The following LRP6 variants were observed in gnomAD, a reference collection of about 807,000 sequenced individuals.
LRP6 encodes LDL receptor related protein 6, also known as low-density lipoprotein receptor-related protein 6.
A neutral mutation model predicts 184.1 loss-of-function variants in LRP6; 43 were observed. The ratio of observed to expected loss-of-function variants is 0.23; its 90% CI spans 0.18 to 0.30. LRP6 has a LOEUF of 0.30. Ranked by LOEUF, LRP6 falls within the 10% of genes least tolerant of loss-of-function variation. LRP6 has a pLI of 1.00. For synonymous variants in LRP6, 719 were observed against 684.9 expected (o/e 1.05, Z -0.78); for missense variants, 1,571 against 2,005.3 (o/e 0.78, Z 4.14).
chr12:12,152,714 A>G (rs941663790), intron 12 of LRP6, among the ~76,000 whole-genome samples: 2 of 152,244 alleles, frequency 1.3e-5, no homozygotes, highest in African/African-American at 2.4e-5. Flanking sequence ...ACCTAAATAC[A>G]GGAGAATTTT....
intron 12 of LRP6, among the ~76,000 whole-genome samples, chr12:12,156,820 A>C (rs1862592077): frequency 6.6e-6 from 1 of 152,082 alleles, no homozygotes; most frequent in Non-Finnish European, 1.5e-5. Context: ...TTCTCTGTGA[A>C]CTTCTCTTCC....
chr12:12,218,060 A>G (rs532879455), intron 2 of LRP6, among the ~76,000 whole-genome samples: 1 of 152,344 alleles, frequency 6.6e-6, no homozygotes, highest in East Asian at 1.9e-4. Flanking sequence ...TGTGTGTTTC[A>G]AAAGATACCA....
chr12:12,186,823 T>A, intron 4 of LRP6, 100 bp downstream of exon 4: 1 of 1,038,684 alleles, frequency 9.6e-7, no homozygotes, highest in South Asian at 1.3e-5. Flanking sequence ...GCCAACTATC[T>A]TTGGATATGC....
At chr12:12,244,039 G>A (rs1166487921) in intron 2 of LRP6, among the ~76,000 whole-genome samples, 1 of 152,080 alleles carries the variant, frequency 6.6e-6, no homozygotes, top group Non-Finnish European at 1.5e-5. Context: ...AGCTTTGATT[G>A]CACCACTGCA....
At position 12,126,927 on chromosome 12, in the gene LRP6, A is replaced by G. The variant is rs777753744; in HGVS notation, c.4082-6T>C. On this transcript the variant is annotated splice_polypyrimidine_tract_variant and splice_region_variant and intron_variant, in intron 19 of 22. Coordinates refer to ENST00000261349, the MANE Select transcript of LRP6 (RefSeq NM_002336.3). Reference sequence around the variant, plus strand: ...TGCTGGTTCTTCAGTCGGATCTACAATGAAGAATGCAGTATGGTTATTTAA... The same window carrying G: ...TGCTGGTTCTTCAGTCGGATCTACAGTGAAGAATGCAGTATGGTTATTTAA... 1.9e-6 allele frequency: 3 copies of G among 1,601,846 alleles called. No individual in the cohort carries two copies. Among genetic ancestry groups the G allele is most frequent in the African/African-American group, 1.3e-5 (1 of 74,690 alleles).
chr12:12,163,294 T>C (rs1862786367), intron 9 of LRP6, among the ~76,000 whole-genome samples: 1 of 152,030 alleles, frequency 6.6e-6, no homozygotes, highest in African/African-American at 2.4e-5. Flanking sequence ...ATTTTCAAGA[T>C]GAGGAAATTT....
chr12:12,126,870 A>G lies in LRP6; in HGVS notation c.4133T>C (p.Ile1378Thr), dbSNP rs763083415. Residue 1378 changes from isoleucine to threonine, a missense_variant, in exon 20 of 23, where the codon ATT (isoleucine) becomes ACT (threonine). Ile to Thr is a moderately conservative substitution (Grantham distance 89). Transcript: ENST00000261349. Reference sequence around the variant, plus strand: ...CACAAAAATGGTGACAATTACGCCAATAACAGAACCAACTGTATTGGTGGC... The same window carrying G: ...CACAAAAATGGTGACAATTACGCCAGTAACAGAACCAACTGTATTGGTGGC... Reference protein sequence around the residue: ...PQATNTVGSVIGVIVTIFVSG... With the variant: ...PQATNTVGSVTGVIVTIFVSG... 2.5e-6 allele frequency: 4 copies of G among 1,614,182 alleles called. No homozygotes were observed. The East Asian group carries it at 6.7e-5, about 27-fold the overall frequency.
intron 7 of LRP6, among the ~76,000 whole-genome samples, chr12:12,167,314 C>T (rs527487236): frequency 1.1e-4 from 16 of 152,172 alleles, no homozygotes; most frequent in Admixed American, 3.3e-4. Context: ...AGCTTTATCA[C>T]TCAGTGGGTA....
At chr12:12,140,822 T>C (rs1397554943) in intron 15 of LRP6, among the ~76,000 whole-genome samples, 1 of 152,092 alleles carries the variant, frequency 6.6e-6, no homozygotes. Flanking sequence ...CAGGCTGGCC[T>C]TGAACTCCTG....
chr12:12,187,619 A>T (rs1863507274), intron 3 of LRP6: 1 of 184,956 alleles, frequency 5.4e-6, no homozygotes, highest in African/African-American at 2.4e-5. Flanking sequence ...TGTTTTGTCC[A>T]TCACTTCTTA....
intron 6 of LRP6, among the ~76,000 whole-genome samples, chr12:12,180,828 T>C (rs970669573): frequency 6.6e-6 from 1 of 152,120 alleles, no homozygotes; most frequent in Non-Finnish European, 1.5e-5. Flanking sequence ...TGGACTTAAT[T>C]TAGAAAGAAA....
At chr12:12,159,243 A>G (rs1281289364) in intron 11 of LRP6, 88 bp from the exon 12 acceptor site, 1 of 978,654 alleles carries the variant, frequency 1.0e-6, no homozygotes, top group Non-Finnish European at 1.6e-6. Context: ...AAGAAAAAAA[A>G]AAGCCCTAAC....
intron 2 of LRP6, among the ~76,000 whole-genome samples, chr12:12,239,563 T>G (rs1159360385): frequency 6.6e-6 from 1 of 152,164 alleles, no homozygotes; most frequent in Non-Finnish European, 1.5e-5. Context: ...ATCTTAAAGA[T>G]TCATTGTAAT....
chr12:12,149,142 C>G lies in LRP6; in HGVS notation c.3006G>C (p.Val1002=), dbSNP rs774775488. 3.1e-6 allele frequency: 5 copies of G among 1,613,548 alleles called. No homozygotes were observed. The highest frequency in any genetic ancestry group is 2.7e-5 in the African/African-American group (2 of 74,840). The part of the protein sequence containing the change: ...AQEDGSQGFT[V]VVSSVPSQNL... ...TCTGACTCGGAACTGAGCTCACAAC[C>G]ACAGTAAAGCCCTAGGGAAAAAAAG... Residue 1002 remains valine (V), a synonymous_variant, in exon 14 of 23, where the codon GTG becomes GTC. Transcript: ENST00000261349.
At position 12,138,218 on chromosome 12, in the gene LRP6, G is replaced by A. The variant is rs1949874070; in HGVS notation, c.3607+107C>T. ...GTTCAAAAAAATGGCAAAACTAAAA[G>A]TGCATGAAAGTCTTCAAGGAAACAG... On this transcript the variant is annotated intron_variant, in intron 16 of 22. Transcript: ENST00000261349. 5 of 1,060,714 alleles carry A rather than the reference G, an allele frequency of 4.7e-6. No homozygotes were observed. The East Asian group carries it at 1.2e-4, about 26-fold the overall frequency. 65.7% of individuals were successfully genotyped at this position (1,060,714 alleles called of 1,614,324 possible). A position where few individuals can be genotyped will look rare whatever the true frequency, so the allele number is the denominator to read the frequency against.
intron 2 of LRP6, among the ~76,000 whole-genome samples, chr12:12,229,394 G>A (rs199730139): frequency 0.4 from 51,916 of 129,322 alleles, 12,801 homozygotes; most frequent in East Asian, 0.75. Context: ...AAAAGAAGAA[G>A]AAGAAGAATA....
At chr12:12,263,480 G>A (rs1013453359) in intron 1 of LRP6, among the ~76,000 whole-genome samples, 1 of 151,628 alleles carries the variant, frequency 6.6e-6, no homozygotes, top group African/African-American at 2.4e-5. Flanking sequence ...GAACCCGGCA[G>A]GCAGAGCTTG....
chr12:12,132,614 CTT>C (rs935975493), intron 17 of LRP6, among the ~76,000 whole-genome samples: 37 of 152,254 alleles, frequency 2.4e-4, no homozygotes, highest in African/African-American at 8.9e-4. Flanking sequence ...TGACAACAAA[CTT>C]TATTAGTAAT....
At chr12:12,230,387 G>A (rs1864752066) in intron 2 of LRP6, among the ~76,000 whole-genome samples, 1 of 151,712 alleles carries the variant, frequency 6.6e-6, no homozygotes, top group Admixed American at 6.6e-5. Flanking sequence ...ATCTGAATTC[G>A]GCTTCCCATA....
Sources: allele counts gnomAD v4.1 joint callset (sites outside exome capture counted in the v4.1 genomes callset), GRCh38; gene constraint gnomAD v4.1.1; transcripts MANE v1.5; gene names NCBI Gene and HGNC (gene_info 2026-07-23, HGNC 2026-07-21).